CENPL: variants seen among roughly 807,000 people sequenced by gnomAD.
CENPL encodes interphase centromere complex protein 33.
In CENPL, 20 loss-of-function variants were observed where a neutral mutation model predicts 35.2. The observed-to-expected ratio is 0.57, with a 90% CI of 0.40 to 0.83. CENPL has a LOEUF of 0.83. Among genes scored for constraint, CENPL ranks in the 40% least tolerant of loss-of-function variants. The pLI, the probability that CENPL is intolerant of heterozygous loss-of-function variation, is 0.00. For missense variants in CENPL, 363 were observed against 395.8 expected, an observed-to-expected ratio of 0.92 and a Z score of 0.70; for synonymous variants, 140 against 140.6, an observed-to-expected ratio of 1.00 and a Z score of 0.03.
At chr1:173,810,550 T>A (rs754533810) in intron 3 of CENPL, among the ~76,000 whole-genome samples, 1 of 151,946 alleles carries the variant, frequency 6.6e-6, no homozygotes, top group African/African-American at 2.4e-5. Context: ...ACCGTGGACA[T>A]GATTCAGATT....
intron 2 of CENPL, chr1:173,821,804 CTTTTT>C (rs57573875): frequency 1.3e-4 from 12 of 94,046 alleles, no homozygotes; most frequent in East Asian, 5.9e-4. Flanking sequence ...GTACTTCAGC[CTTTTT>C]TTTTTTTTTT....
intron 2 of CENPL, among the ~76,000 whole-genome samples, chr1:173,815,187 ATAAT>A (rs2102599271): frequency 6.6e-6 from 1 of 152,338 alleles, no homozygotes; most frequent in East Asian, 1.9e-4. Context: ...AACTGAGGCA[ATAAT>A]TAATAGCCTA....
At chr1:173,810,237 A>C (rs1350745047) in intron 3 of CENPL, among the ~76,000 whole-genome samples, 2 of 152,246 alleles carry the variant, frequency 1.3e-5, no homozygotes, top group African/African-American at 4.8e-5. Flanking sequence ...GGAGGCCATT[A>C]TCCTTAGCCA....
In CENPL at chr1:173,803,029, T is replaced by C. The variant is rs1649894389; in HGVS notation, c.897A>G (p.Leu299=). Residue 299 remains leucine, a synonymous_variant, in exon 5 of 6, where the codon TTA becomes TTG. Transcript: ENST00000682279. ...AAACACGAACTAATCTTGTGGCTGA[T>C]AAATGAATTTTGAAATGTCTATGGA... The part of the protein sequence containing the change: ...SHFHRHFKIH[L]SATRLVRVST... 2 of 1,613,908 alleles carry C rather than the reference T, an allele frequency of 1.2e-6. No homozygotes were observed. Among genetic ancestry groups the C allele is most frequent in the African/African-American group, 1.3e-5 (1 of 75,064 alleles).
intron 2 of CENPL, chr1:173,821,738 A>G (rs919904722): frequency 5.3e-5 from 8 of 151,494 alleles, no homozygotes; most frequent in African/African-American, 1.7e-4. Flanking sequence ...CTTCCTTCCA[A>G]TCGGAAGCAA....
chr1:173,823,154 A>ATCAG (rs1311731771), intron 2 of CENPL: 1 of 152,192 alleles, frequency 6.6e-6, no homozygotes, highest in Non-Finnish European at 1.5e-5. Flanking sequence ...CTAATCCATC[A>ATCAG]TCAGTCTTTC....
intron 2 of CENPL, among the ~76,000 whole-genome samples, chr1:173,812,101 G>A (rs1444087222): frequency 3.9e-5 from 6 of 152,264 alleles, no homozygotes. Flanking sequence ...CGAGACAGCA[G>A]CCTCGTGGTG....
intron 4 of CENPL, among the ~76,000 whole-genome samples, chr1:173,805,508 T>C (rs1028227220): frequency 1.6e-5 from 2 of 127,166 alleles, no homozygotes; most frequent in Non-Finnish European, 3.2e-5. Context: ...AGAAGCTGTC[T>C]CAAAAAAAAA....
intron 3 of CENPL, chr1:173,808,383 C>G (rs1650440383): frequency 9.9e-5 from 15 of 151,900 alleles, no homozygotes; most frequent in Admixed American, 9.8e-4. Flanking sequence ...GCACTCCAGC[C>G]TGGGTGGCAG....
intron 4 of CENPL, chr1:173,806,482 G>C (rs1048033883): frequency 2.3e-6 from 1 of 444,392 alleles, no homozygotes; most frequent in Non-Finnish European, 4.5e-6. Context: ...TACTTGGAAG[G>C]CTAAGGTGGA....
At chr1:173,810,966 A>G (rs1229297121) in intron 3 of CENPL, among the ~76,000 whole-genome samples, 166 bp downstream of exon 3, 1 of 152,088 alleles carries the variant, frequency 6.6e-6, no homozygotes, top group African/African-American at 2.4e-5. Flanking sequence ...CAAATAAAAG[A>G]CATAAAGAGG....
At chr1:173,818,138 G>T (rs1235713550) in intron 2 of CENPL, among the ~76,000 whole-genome samples, 2 of 151,684 alleles carry the variant, frequency 1.3e-5, no homozygotes, top group Non-Finnish European at 2.9e-5. Flanking sequence ...ATGTACCCTA[G>T]AACTTAAAGT....
intron 3 of CENPL, among the ~76,000 whole-genome samples, chr1:173,809,934 T>C (rs1432181030): frequency 6.6e-6 from 1 of 152,152 alleles, no homozygotes; most frequent in Non-Finnish European, 1.5e-5. Context: ...AGTTCAACCA[T>C]TGTGGAAGAC....
intron 3 of CENPL, among the ~76,000 whole-genome samples, chr1:173,809,723 T>C (rs1014597277): frequency 2.6e-5 from 4 of 151,830 alleles, no homozygotes; most frequent in African/African-American, 9.7e-5. Context: ...AAGTTCAACA[T>C]CACTGATCAT....
At chr1:173,802,876 C>T (rs1649877272) in intron 5 of CENPL, 87 bp downstream of exon 5, 26 of 873,254 alleles carry the variant, frequency 3.0e-5, no homozygotes, top group Non-Finnish European at 4.6e-5. Flanking sequence ...AAGTGTGTTT[C>T]TTCAATTGAG....
chr1:173,800,469 C>T lies in CENPL; in HGVS notation c.1014G>A (p.Leu338=). Residue 338 remains leucine (L), a synonymous_variant, in exon 6 of 6, where the codon CTG becomes CTA. Transcript: ENST00000682279. ...LIGVLAYLTE[L]AIFQIE ...GGCTTCACTCAATTTGAAAAATTGCCAGTTCTGTCAAATATGCTAACACTC... is the reference window on the plus strand; with the variant it reads ...GGCTTCACTCAATTTGAAAAATTGCTAGTTCTGTCAAATATGCTAACACTC... 6.8e-7 allele frequency: 1 copy of T among 1,477,334 alleles called. No individual in the cohort carries two copies. The highest frequency in any genetic ancestry group is 1.1e-5 in the South Asian group (1 of 87,298). The allele number at this position is 1,477,334 out of a possible 1,614,324, so 91.5% of individuals were successfully genotyped here.
intron 4 of CENPL, among the ~76,000 whole-genome samples, chr1:173,803,857 G>C (rs1298834823): frequency 6.6e-6 from 1 of 151,892 alleles, no homozygotes; most frequent in Non-Finnish European, 1.5e-5. Context: ...TTTTTAGTAG[G>C]GATGGGGTTT....
chr1:173,807,297 T>C lies in CENPL; in HGVS notation c.390A>G (p.Thr130=). ...IFSTLLGMKG[T]QRDPEAFLVQ... ...CAAGAAATGCTTCCGGGTCCCTTTG[T>C]GTTCCTTTCATTCCTAGGAGAGTAG... The change falls in exon 4 of 6, where the codon ACA becomes ACG. Residue 130 remains threonine (T), a synonymous_variant. Transcript: ENST00000682279. The C allele has an allele frequency of 6.2e-7, 1 of 1,611,800 alleles. No homozygotes were observed. The highest frequency in any genetic ancestry group is 8.5e-7 in the Non-Finnish European group (1 of 1,178,448).
intron 2 of CENPL, among the ~76,000 whole-genome samples, chr1:173,819,649 T>G (rs1189290759): frequency 6.6e-6 from 1 of 152,094 alleles, no homozygotes; most frequent in Non-Finnish European, 1.5e-5. Flanking sequence ...TTTGAAAAGT[T>G]TTTTACGAAT....
Sources: gnomAD v4.1 joint callset for allele counts (sites outside exome capture counted in the v4.1 genomes callset) on GRCh38, gnomAD v4.1.1 for gene constraint, MANE v1.5 for transcripts, NCBI Gene and HGNC (gene_info 2026-07-23, HGNC 2026-07-21) for gene names.